Variants in PSMA1 observed in about 807,000 individuals in gnomAD.
The protein encoded by PSMA1 is proteasome subunit alpha type-1.
Under a neutral mutation model 38.4 loss-of-function variants are expected in PSMA1, and 3 were observed. That is an observed-to-expected ratio of 0.08 (90% CI 0.04 to 0.20). The LOEUF is 0.20. PSMA1 is among the 10% of genes least tolerant of loss of function. The pLI is 1.00. For synonymous variants in PSMA1, 101 were observed against 107.1 expected (o/e 0.94, Z 0.35); for missense variants, 227 against 325.3 (o/e 0.70, Z 2.32).
upstream of PSMA1, chr11:14,520,543 C>G (rs2134152799): frequency 7.3e-7 from 1 of 1,363,100 alleles, no homozygotes; most frequent in Non-Finnish European, 9.6e-7. Flanking sequence ...GCGGGAAAAC[C>G]TGGCTGGGAG....
chr11:14,507,448 G>A (rs1851263041), intron 9 of PSMA1: 1 of 461,456 alleles, frequency 2.2e-6, no homozygotes, highest in East Asian at 4.4e-5. Flanking sequence ...TTACAGGCAT[G>A]AGCCACCGCA....
intron 1 of PSMA1, among the ~76,000 whole-genome samples, chr11:14,630,801 C>G (rs1852994103): frequency 6.6e-6 from 1 of 152,014 alleles, no homozygotes; most frequent in African/African-American, 2.4e-5. Context: ...GTCCTGGACT[C>G]TTTTTGGTTG....
At chr11:14,626,079 T>A (rs919441278) in intron 1 of PSMA1, among the ~76,000 whole-genome samples, 1 of 150,574 alleles carries the variant, frequency 6.6e-6, no homozygotes, top group East Asian at 1.9e-4. Context: ...GAGGAAGTGC[T>A]GGAAAATAAA....
chr11:14,632,273 A>G (rs1853029602), intron 1 of PSMA1, among the ~76,000 whole-genome samples: 1 of 149,738 alleles, frequency 6.7e-6, no homozygotes, highest in Admixed American at 6.6e-5. Flanking sequence ...GATGGTCTTT[A>G]CATTTTGGCA....
chr11:14,535,792 C>A (rs1316144074), intron 2 of PSMA1, among the ~76,000 whole-genome samples: 2 of 151,860 alleles, frequency 1.3e-5, no homozygotes, highest in African/African-American at 4.8e-5. Context: ...TTTTTTTATT[C>A]TAAAAAATCC....
chr11:14,615,697 T>C (rs1051707924), intron 1 of PSMA1, among the ~76,000 whole-genome samples: 43 of 152,252 alleles, frequency 2.8e-4, no homozygotes, highest in African/African-American at 1.0e-3. Context: ...CTTTTCAGTA[T>C]GCCATCTGTT....
Position 14,552,234 on chromosome 11 carries a change from C to T in PSMA1, c.22-33193G>A, listed in dbSNP as rs547032280. Among the ~76,000 whole-genome samples the T allele has an allele frequency of 6.1e-4, 93 of 152,204 alleles. 1 individual carries two copies. Among genetic ancestry groups the T allele is most frequent in the Non-Finnish European group, 9.7e-4 (66 of 68,004 alleles). ...CTGGATCCTCAGCACGAAAAGTTCC[C>T]GAGTCCGAAGCATCACAAAAGCCAC... On this transcript the variant is annotated intron_variant, in intron 2 of 10. Coordinates refer to the PSMA1 transcript ENST00000418988.
At chr11:14,549,635 A>G (rs1851865633) in intron 2 of PSMA1, among the ~76,000 whole-genome samples, 1 of 149,020 alleles carries the variant, frequency 6.7e-6, no homozygotes, top group Admixed American at 6.8e-5. Context: ...TGGGAGGCAG[A>G]GTTTGCAGTG....
chr11:14,521,512 G>C (rs1420080667), upstream of PSMA1, among the ~76,000 whole-genome samples: 1 of 150,120 alleles, frequency 6.7e-6, no homozygotes, highest in Non-Finnish European at 1.5e-5. Context: ...AAAGCCGGGC[G>C]CGGTGGCTCA....
chr11:14,507,426 A>G (rs1233146463), intron 9 of PSMA1, among the ~76,000 whole-genome samples: 1 of 152,058 alleles, frequency 6.6e-6, no homozygotes, highest in Admixed American at 6.5e-5. Flanking sequence ...TCGGCCTCCC[A>G]AAGTGCTGGG....
rs139744196 is a variant in PSMA1 at position 14,591,662 on chromosome 11, G to C, written c.21+19304C>G. 4.2e-3 allele frequency among the ~76,000 whole-genome samples: 640 copies of C among 152,230 alleles called. 4 individuals carry two copies. The highest frequency in any genetic ancestry group is 6.3e-3 in the Non-Finnish European group (430 of 68,008). Reference sequence around the variant, plus strand: ...CTGTATCTAGCTGCTCTGGGGCCTCGGAGAACCTGTGTGTCCATACTCTGT... The same window carrying C: ...CTGTATCTAGCTGCTCTGGGGCCTCCGAGAACCTGTGTGTCCATACTCTGT... On this transcript the variant is annotated intron_variant, in intron 2 of 10. Transcript: ENST00000418988.
At chr11:14,580,903 C>T (rs551848432) in intron 2 of PSMA1, among the ~76,000 whole-genome samples, 51 of 152,302 alleles carry the variant, frequency 3.3e-4, no homozygotes, top group South Asian at 6.2e-4. Context: ...ATGGAAACTA[C>T]TGAAGTGGAA....
chr11:14,621,210 T>C (rs1349259777), intron 1 of PSMA1, among the ~76,000 whole-genome samples: 1 of 152,206 alleles, frequency 6.6e-6, no homozygotes, highest in East Asian at 1.9e-4. Flanking sequence ...AGATCATGTT[T>C]TGCTTTATTA....
intron 2 of PSMA1, among the ~76,000 whole-genome samples, chr11:14,528,965 C>T (rs867407882): frequency 6.6e-6 from 1 of 152,072 alleles, no homozygotes; most frequent in Non-Finnish European, 1.5e-5. Context: ...TGCTGACTCT[C>T]TTTTCGGACT....
chr11:14,540,380 A>G lies in PSMA1; in HGVS notation c.22-21339T>C, dbSNP rs115665899. On this transcript the variant is annotated intron_variant, in intron 2 of 10. Coordinates refer to the PSMA1 transcript ENST00000418988. ...AACACAGTGAACTAGACAGGCTTTT[A>G]GGAAACATTACGTCCTCAGGAGAGA... is the stretch of plus-strand genomic sequence containing the variant. Among the ~76,000 whole-genome samples the G allele has an allele frequency of 6.9e-3, 1,051 of 152,340 alleles. 9 individuals are homozygous for G. The highest frequency in any genetic ancestry group is 0.024 in the African/African-American group (996 of 41,572).
intron 2 of PSMA1, among the ~76,000 whole-genome samples, chr11:14,542,050 A>G (rs1000679533): frequency 4.6e-5 from 7 of 152,264 alleles, no homozygotes; most frequent in African/African-American, 9.6e-5. Context: ...TACAGCTAAT[A>G]GCTAAAGCTT....
At chr11:14,576,309 T>C (rs1852214381) in intron 2 of PSMA1, among the ~76,000 whole-genome samples, 1 of 152,206 alleles carries the variant, frequency 6.6e-6, no homozygotes, top group Non-Finnish European at 1.5e-5. Context: ...CAATTTTGGC[T>C]TTTGTTGCCA....
chr11:14,566,097 G>T (rs946523321), intron 2 of PSMA1, among the ~76,000 whole-genome samples: 1 of 152,242 alleles, frequency 6.6e-6, no homozygotes, highest in Admixed American at 6.5e-5. Context: ...GCAAGGGAAA[G>T]TGGTAAAGAT....
intron 2 of PSMA1, among the ~76,000 whole-genome samples, chr11:14,561,740 T>C (rs1449085911): frequency 2.0e-5 from 3 of 152,044 alleles, no homozygotes; most frequent in African/African-American, 4.8e-5. Flanking sequence ...GGCACAGAGG[T>C]GGATACCTGC....
Sources: gnomAD v4.1 joint callset for allele counts (sites outside exome capture counted in the v4.1 genomes callset) on GRCh38, gnomAD v4.1.1 for gene constraint, MANE v1.5 for transcripts, NCBI Gene and HGNC (gene_info 2026-07-23, HGNC 2026-07-21) for gene names.